The following SNTG1 variants were observed in gnomAD, a reference collection of about 807,000 sequenced individuals.
SNTG1 encodes gamma-1-syntrophin.
In SNTG1, 39 loss-of-function variants were observed where a neutral mutation model predicts 74.7. The ratio of observed to expected loss-of-function variants is 0.52; its 90% CI spans 0.40 to 0.68. The LOEUF (loss-of-function observed/expected upper bound fraction) is 0.68. SNTG1 is among the 30% of genes least tolerant of loss of function. The probability of loss-of-function intolerance (pLI) is 0.00; values close to 1 mark genes in which losing one functional copy is unlikely to be tolerated. For missense variants in SNTG1, 685 were observed against 609.5 expected (o/e 1.12, Z -1.30); for synonymous variants, 254 against 217.1 (o/e 1.17, Z -1.49).
chr8:50,004,908 G>T (rs753513253), intron 1 of SNTG1, among the ~76,000 whole-genome samples: 25 of 152,148 alleles, frequency 1.6e-4, no homozygotes, highest in Non-Finnish European at 3.4e-4. Context: ...AACAAAGTTG[G>T]TGTTTGTAAG....
At chr8:50,483,107 A>G (rs892580786) in intron 8 of SNTG1, among the ~76,000 whole-genome samples, 1 of 152,218 alleles carries the variant, frequency 6.6e-6, no homozygotes, top group African/African-American at 2.4e-5. Flanking sequence ...ACTAATTTTC[A>G]TATAAGTAAA....
chr8:50,133,804 A>G (rs553869064), intron 1 of SNTG1, among the ~76,000 whole-genome samples: 7 of 152,296 alleles, frequency 4.6e-5, no homozygotes, highest in African/African-American at 1.7e-4. Context: ...TTAACCATTT[A>G]TACCTGCAAT....
chr8:50,292,019 G>A (rs2089140113), intron 2 of SNTG1, among the ~76,000 whole-genome samples: 1 of 152,036 alleles, frequency 6.6e-6, no homozygotes, highest in South Asian at 2.1e-4. Flanking sequence ...TCTAATGTTT[G>A]GTTTGAAATG....
chr8:50,731,647 A>AT (rs2095513370), intron 17 of SNTG1, among the ~76,000 whole-genome samples: 3 of 152,082 alleles, frequency 2.0e-5, no homozygotes, highest in African/African-American at 7.2e-5. Flanking sequence ...GCTATAAGGC[A>AT]TTTACAATGG....
At chr8:50,062,203 C>A (rs1820534467) in intron 1 of SNTG1, among the ~76,000 whole-genome samples, 1 of 152,054 alleles carries the variant, frequency 6.6e-6, no homozygotes. Context: ...GTCACCACTC[C>A]TGGCTAATTT....
intron 2 of SNTG1, chr8:50,286,695 AT>A (rs1406699385): frequency 1.3e-5 from 2 of 152,214 alleles, no homozygotes; most frequent in African/African-American, 4.8e-5. Flanking sequence ...TAATTGCACT[AT>A]GTTAAAATTC....
intron 15 of SNTG1, among the ~76,000 whole-genome samples, chr8:50,702,597 A>T (rs2095429951): frequency 6.6e-6 from 1 of 152,194 alleles, no homozygotes; most frequent in Non-Finnish European, 1.5e-5. Context: ...AGAAATGATT[A>T]CAGATACCAG....
chr8:50,357,751 G>T (rs1466903515), intron 2 of SNTG1, among the ~76,000 whole-genome samples: 1 of 152,080 alleles, frequency 6.6e-6, no homozygotes, highest in Non-Finnish European at 1.5e-5. Context: ...TTAGTGGTGT[G>T]CCTTTAAAGA....
intron 1 of SNTG1, among the ~76,000 whole-genome samples, chr8:50,010,553 C>T (rs1177083289): frequency 6.6e-6 from 1 of 151,376 alleles, no homozygotes; most frequent in Non-Finnish European, 1.5e-5. Flanking sequence ...AATCATATAC[C>T]CTAAAGAATC....
chr8:50,549,554 C>T (rs1304031398), intron 11 of SNTG1, among the ~76,000 whole-genome samples: 1 of 152,072 alleles, frequency 6.6e-6, no homozygotes, highest in Non-Finnish European at 1.5e-5. Flanking sequence ...TGATCCTTTT[C>T]CTCCAATGCT....
intron 2 of SNTG1, among the ~76,000 whole-genome samples, chr8:50,178,332 T>C (rs2083074144): frequency 6.6e-6 from 1 of 151,506 alleles, no homozygotes; most frequent in Non-Finnish European, 1.5e-5. Context: ...ATTCCTCTTT[T>C]TCTTCTTCTG....
chr8:50,046,582 T>G (rs1819106806), intron 1 of SNTG1, among the ~76,000 whole-genome samples: 1 of 152,206 alleles, frequency 6.6e-6, no homozygotes, highest in African/African-American at 2.4e-5. Flanking sequence ...CGTGAATTTA[T>G]ATTACCAAGA....
intron 13 of SNTG1, among the ~76,000 whole-genome samples, chr8:50,607,165 A>ATT (rs1478577337): frequency 1.3e-5 from 2 of 151,956 alleles, no homozygotes; most frequent in Admixed American, 6.6e-5. Flanking sequence ...TGGAAGTATT[A>ATT]TTTAATTTTC....
At chr8:50,555,664 T>C (rs1458718459) in intron 12 of SNTG1, among the ~76,000 whole-genome samples, 1 of 152,118 alleles carries the variant, frequency 6.6e-6, no homozygotes, top group East Asian at 1.9e-4. Context: ...GAATAGCTTG[T>C]TAATAATAGG....
intron 2 of SNTG1, among the ~76,000 whole-genome samples, chr8:50,179,642 G>A (rs777479370): frequency 3.3e-5 from 5 of 152,012 alleles, no homozygotes; most frequent in Non-Finnish European, 7.4e-5. Context: ...GACGTTTTTC[G>A]AAGAAAGACA....
At chr8:50,421,135 T>C (rs976835840) in intron 4 of SNTG1, among the ~76,000 whole-genome samples, 6 of 151,374 alleles carry the variant, frequency 4.0e-5, no homozygotes, top group African/African-American at 1.5e-4. Flanking sequence ...CTAACACTGT[T>C]ACCAGAAAAG....
intron 2 of SNTG1, among the ~76,000 whole-genome samples, chr8:50,294,735 A>C (rs2089283725): frequency 6.6e-6 from 1 of 152,314 alleles, no homozygotes; most frequent in African/African-American, 2.4e-5. Context: ...TCAAAATTAC[A>C]TTCCACCAAG....
chr8:50,341,430 A>T (rs927310450), intron 2 of SNTG1, among the ~76,000 whole-genome samples: 11 of 152,088 alleles, frequency 7.2e-5, no homozygotes, highest in African/African-American at 2.6e-4. Flanking sequence ...TCTATGTATA[A>T]TAGTGAGCTA....
At position 50,235,202 on chromosome 8, in the gene SNTG1, A is replaced by G. The variant is rs551360236; in HGVS notation, c.-28+62567A>G. Among the ~76,000 whole-genome samples, 22 of 152,280 alleles carry G rather than the reference A, an allele frequency of 1.4e-4. No homozygotes were observed. In the South Asian group the frequency reaches 4.3e-3, roughly 30 times the overall value. Reference sequence around the variant, plus strand: ...AGACATGGAAGTAACATACGTGACCACCAACAAATGAATGGATAAAGAAAA... The same window carrying G: ...AGACATGGAAGTAACATACGTGACCGCCAACAAATGAATGGATAAAGAAAA... On this transcript the variant is annotated intron_variant, in intron 2 of 18. Transcript: ENST00000642720.
Sources: gnomAD v4.1 joint callset for allele counts (sites outside exome capture counted in the v4.1 genomes callset) on GRCh38, gnomAD v4.1.1 for gene constraint, MANE v1.5 for transcripts, NCBI Gene and HGNC (gene_info 2026-07-23, HGNC 2026-07-21) for gene names.